TTLL5: variants seen among roughly 807,000 people sequenced by gnomAD.
TTLL5 encodes the protein tubulin polyglutamylase TTLL5.
TTLL5 carries 132 observed loss-of-function variants against 168.4 expected under a neutral mutation model. The observed-to-expected ratio is 0.78, with a 90% CI of 0.68 to 0.91. TTLL5 has a LOEUF of 0.91. Among genes scored for constraint, TTLL5 ranks in the 40% least tolerant of loss-of-function variants. The pLI, the probability that TTLL5 is intolerant of heterozygous loss-of-function variation, is 0.00. For synonymous variants in TTLL5, 546 were observed against 558.6 expected (o/e 0.98, Z 0.32); for missense variants, 1,545 against 1,581.5 (o/e 0.98, Z 0.39).
intron 28 of TTLL5, 99 bp from the exon 29 acceptor site, chr14:75,863,568 G>A (rs965619978): frequency 2.6e-6 from 3 of 1,164,640 alleles, no homozygotes; most frequent in African/African-American, 3.1e-5. Flanking sequence ...AACTGTGCTT[G>A]GTTCCATATT....
chr14:75,855,753 G>A (rs769157793), intron 28 of TTLL5, among the ~76,000 whole-genome samples: 63 of 152,158 alleles, frequency 4.1e-4, no homozygotes, highest in Non-Finnish European at 5.0e-4. Flanking sequence ...TGCAGCCCAC[G>A]GAGGAGAAGA....
chr14:75,795,793 T>G (rs117068014), intron 27 of TTLL5, among the ~76,000 whole-genome samples: 3,358 of 152,278 alleles, frequency 0.022, 47 homozygotes, highest in Middle Eastern at 0.041. Context: ...CCATGGTGTA[T>G]ATATATACAC....
chr14:75,916,636 C>CA lies in TTLL5; in HGVS notation c.3823+14419dup, dbSNP rs200138394. Among the ~76,000 whole-genome samples, 10 of 151,674 alleles carry CA rather than the reference C, an allele frequency of 6.6e-5. No individual in the cohort carries two copies. The East Asian group carries it at 1.6e-3, about 24-fold the overall frequency. ...TCGGTGACAGAGCGAGACTCTGTCT[C>CA]AAAAAAACAAAAAAATTGAATTACC... On this transcript the variant is annotated intron_variant, in intron 31 of 31. Coordinates refer to ENST00000298832, the MANE Select transcript of TTLL5 (RefSeq NM_015072.5).
chr14:75,760,679 G>A (rs1292255004), intron 18 of TTLL5, among the ~76,000 whole-genome samples: 1 of 151,850 alleles, frequency 6.6e-6, no homozygotes, highest in African/African-American at 2.4e-5. Context: ...AATGGTGAAA[G>A]GAAATTATTT....
At chr14:75,858,124 G>T (rs765193074) in intron 28 of TTLL5, among the ~76,000 whole-genome samples, 6 of 152,174 alleles carry the variant, frequency 3.9e-5, no homozygotes, top group Non-Finnish European at 5.9e-5. Context: ...GTTGGGAGGA[G>T]GGGGGATCCT....
chr14:75,911,324 C>T (rs564288008), intron 31 of TTLL5, among the ~76,000 whole-genome samples: 5 of 152,290 alleles, frequency 3.3e-5, no homozygotes, highest in South Asian at 4.1e-4. Flanking sequence ...TGAGCCACCG[C>T]GCCCAGTCTG....
At position 75,707,029 on chromosome 14, in the gene TTLL5, C is replaced by T. The variant is rs1189106076; in HGVS notation, c.597C>T (p.Ile199=). The stretch of plus-strand genomic sequence containing the variant: ...TCTTTACTCAATAGCCAAACCAGAT[C>T]TCCCTGGAAGAGAACATTTTGGTCT... The part of the protein sequence containing the change: ...GVYLINNPNQ[I]SLEENILVSR... The change falls in exon 8 of 32, where the codon ATC becomes ATT. Residue 199 remains isoleucine, a synonymous_variant. Coordinates refer to ENST00000298832, the MANE Select transcript of TTLL5 (RefSeq NM_015072.5). The T allele has an allele frequency of 6.2e-7, 1 of 1,609,456 alleles. No individual in the cohort carries two copies. The highest frequency in any genetic ancestry group is 1.1e-5 in the South Asian group (1 of 90,562).
At chr14:75,711,142 T>C (rs1887047152) in intron 9 of TTLL5, 1 of 152,224 alleles carries the variant, frequency 6.6e-6, no homozygotes, top group African/African-American at 2.4e-5. Context: ...TTTATTAACA[T>C]AAGAAGTGGG....
chr14:75,766,382 A>T lies in TTLL5; in HGVS notation c.2015+14A>T, dbSNP rs369241557. On this transcript the variant is annotated intron_variant, in intron 20 of 31. Coordinates refer to ENST00000298832, the MANE Select transcript of TTLL5 (RefSeq NM_015072.5). ...TGGCAATCTTAGGTATGTATCTTTT[A>T]TAATTATATTAGTAAAACTGATAAC... The T allele has an allele frequency of 6.3e-7, 1 of 1,589,776 alleles. No individual in the cohort carries two copies. Among genetic ancestry groups the T allele is most frequent in the Non-Finnish European group, 8.5e-7 (1 of 1,169,744 alleles).
chr14:75,667,238 A>T (rs75369768), intron 2 of TTLL5, among the ~76,000 whole-genome samples: 2,607 of 152,286 alleles, frequency 0.017, 91 homozygotes, highest in African/African-American at 0.059. Context: ...CAGGCATTTT[A>T]AAATTGGAGC....
At chr14:75,845,747 G>A (rs535076003) in intron 28 of TTLL5, among the ~76,000 whole-genome samples, 3 of 152,246 alleles carry the variant, frequency 2.0e-5, no homozygotes, top group African/African-American at 7.2e-5. Flanking sequence ...GTAACTGATG[G>A]CCCAAGAATT....
At chr14:75,863,923 A>AG in intron 29 of TTLL5, 61 bp downstream of exon 29, 5 of 1,328,046 alleles carry the variant, frequency 3.8e-6, no homozygotes, top group East Asian at 5.6e-5. Flanking sequence ...AAAAAAAAAA[A>AG]AAAAAAAAAA....
intron 7 of TTLL5, among the ~76,000 whole-genome samples, chr14:75,701,454 A>T (rs73309491): frequency 6.6e-6 from 1 of 152,316 alleles, no homozygotes; most frequent in African/African-American, 2.4e-5. Context: ...TCTCCCTGGA[A>T]GAGGCTGACT....
At chr14:75,821,290 C>T (rs926192083) in intron 28 of TTLL5, among the ~76,000 whole-genome samples, 1 of 152,094 alleles carries the variant, frequency 6.6e-6, no homozygotes, top group Admixed American at 6.5e-5. Context: ...TATAAAGAAC[C>T]GAAGACCAAG....
At chr14:75,842,169 T>C (rs1191017060) in intron 28 of TTLL5, among the ~76,000 whole-genome samples, 1 of 152,196 alleles carries the variant, frequency 6.6e-6, no homozygotes, top group Admixed American at 6.5e-5. Context: ...TTATAGATGC[T>C]GTCAAATTGG....
intron 31 of TTLL5, among the ~76,000 whole-genome samples, chr14:75,924,911 G>A (rs1179782974): frequency 4.0e-5 from 6 of 151,044 alleles, no homozygotes; most frequent in East Asian, 3.9e-4. Flanking sequence ...TCGGGCGGGG[G>A]GCTGACCCCC....
In TTLL5 at chr14:75,863,811, A is replaced by G; in HGVS notation, c.3471A>G (p.Gln1157=). Residue 1157 remains glutamine, a synonymous_variant, in exon 29 of 32, where the codon CAA becomes CAG. Coordinates refer to ENST00000298832, the MANE Select transcript of TTLL5 (RefSeq NM_015072.5). The part of the protein sequence containing the change: ...QLQFALQQLE[Q]QKLQSRQLLD... The stretch of plus-strand genomic sequence containing the variant: ...AATTTGCCCTGCAGCAACTTGAACA[A>G]CAAAAACTTCAGTCCCGGCAGCTCC... The G allele has an allele frequency of 6.2e-7, 1 of 1,610,114 alleles. No homozygotes were observed. The highest frequency in any genetic ancestry group is 1.1e-5 in the South Asian group (1 of 90,910).
intron 26 of TTLL5, among the ~76,000 whole-genome samples, chr14:75,784,333 A>G (rs1354321219): frequency 6.6e-6 from 1 of 152,198 alleles, no homozygotes. Flanking sequence ...GACATTGTAT[A>G]TAAGTAAAAT....
At chr14:75,893,074 C>T (rs917387889) in intron 30 of TTLL5, among the ~76,000 whole-genome samples, 3 of 152,074 alleles carry the variant, frequency 2.0e-5, no homozygotes, top group South Asian at 2.1e-4. Context: ...AGAACTGGAA[C>T]GTGAATTCTT....
Sources: allele counts gnomAD v4.1 joint callset (sites outside exome capture counted in the v4.1 genomes callset), GRCh38; gene constraint gnomAD v4.1.1; transcripts MANE v1.5; gene names NCBI Gene and HGNC (gene_info 2026-07-23, HGNC 2026-07-21).